Variants in ADCY2 observed in about 807,000 individuals in gnomAD.
ADCY2 encodes the protein adenylate cyclase type 2.
ADCY2 carries 31 observed loss-of-function variants against 125.2 expected under a neutral mutation model. The observed-to-expected ratio is 0.25, with a 90% CI of 0.19 to 0.33. The LOEUF (loss-of-function observed/expected upper bound fraction) is 0.33, where lower values mean the gene tolerates loss of function less well. ADCY2 is among the 10% of genes least tolerant of loss of function. ADCY2 has a pLI of 1.00. For missense variants in ADCY2, 904 were observed against 1,418.2 expected (o/e 0.64, Z 5.82); for synonymous variants, 512 against 548.4 (o/e 0.93, Z 0.93).
intron 24 of ADCY2, among the ~76,000 whole-genome samples, chr5:7,821,024 C>T (rs904848605): frequency 1.3e-5 from 2 of 152,162 alleles, no homozygotes; most frequent in African/African-American, 2.4e-5. Context: ...AAGGACTTTG[C>T]AAACGAGAGG....
chr5:7,455,393 C>T (rs924145168), intron 2 of ADCY2, among the ~76,000 whole-genome samples: 3 of 152,106 alleles, frequency 2.0e-5, no homozygotes, highest in African/African-American at 7.2e-5. Context: ...TGATGAAAGT[C>T]TCCTTAAACT....
chr5:7,399,981 T>A (rs575829320), intron 1 of ADCY2, among the ~76,000 whole-genome samples: 1 of 152,202 alleles, frequency 6.6e-6, no homozygotes. Flanking sequence ...TTGGAACTGG[T>A]TTTTATTACT....
chr5:7,758,352 T>G (rs1208694900), intron 16 of ADCY2, among the ~76,000 whole-genome samples: 1 of 152,134 alleles, frequency 6.6e-6, no homozygotes, highest in Non-Finnish European at 1.5e-5. Context: ...AGACACGTCC[T>G]TATTGTTCTC....
intron 2 of ADCY2, among the ~76,000 whole-genome samples, chr5:7,441,211 G>A (rs1468732724): frequency 6.6e-6 from 1 of 152,128 alleles, no homozygotes; most frequent in African/African-American, 2.4e-5. Flanking sequence ...AGCAATGTCT[G>A]GTCAGCTGTC....
chr5:7,570,912 T>C (rs1736046588), intron 3 of ADCY2, among the ~76,000 whole-genome samples: 1 of 152,200 alleles, frequency 6.6e-6, no homozygotes, highest in Admixed American at 6.6e-5. Context: ...TATGAAACCC[T>C]AGGCCTTCAG....
chr5:7,449,646 C>T (rs1310381710), intron 2 of ADCY2, among the ~76,000 whole-genome samples: 2 of 152,154 alleles, frequency 1.3e-5, no homozygotes, highest in African/African-American at 4.8e-5. Context: ...GTTGATTTTC[C>T]ACACTGGCAA....
At chr5:7,551,718 C>T (rs1735348416) in intron 3 of ADCY2, among the ~76,000 whole-genome samples, 1 of 152,082 alleles carries the variant, frequency 6.6e-6, no homozygotes, top group African/African-American at 2.4e-5. Flanking sequence ...TCAGCAATGG[C>T]AGATTGTATT....
intron 2 of ADCY2, 72 bp from the exon 3 acceptor site, chr5:7,520,658 CCTTTAGTG>C: frequency 6.6e-7 from 1 of 1,505,534 alleles, no homozygotes; most frequent in East Asian, 2.3e-5. Flanking sequence ...TTCTATGCAG[CCTTTAGTG>C]GCATGGAAAC....
At chr5:7,504,931 A>G (rs879359712) in intron 2 of ADCY2, among the ~76,000 whole-genome samples, 3 of 152,030 alleles carry the variant, frequency 2.0e-5, no homozygotes, top group Non-Finnish European at 4.4e-5. Context: ...GGAATGGAGT[A>G]CAGTGGCACC....
intron 7 of ADCY2, among the ~76,000 whole-genome samples, chr5:7,705,365 C>T (rs998294487): frequency 1.3e-5 from 2 of 152,212 alleles, no homozygotes; most frequent in Non-Finnish European, 2.9e-5. Context: ...GTGCTAGTTG[C>T]CCTCAGGGCA....
At chr5:7,710,039 A>G (rs1741392114) in intron 10 of ADCY2, among the ~76,000 whole-genome samples, 1 of 152,220 alleles carries the variant, frequency 6.6e-6, no homozygotes, top group Non-Finnish European at 1.5e-5. Flanking sequence ...TTCATGTATA[A>G]TGCTATTAAA....
intron 3 of ADCY2, among the ~76,000 whole-genome samples, chr5:7,550,133 T>C (rs543519309): frequency 4.6e-5 from 7 of 152,260 alleles, no homozygotes; most frequent in African/African-American, 9.6e-5. Context: ...TCTCTAAAAT[T>C]CTCTCTATTG....
chr5:7,685,108 C>T (rs935570449), intron 4 of ADCY2: 4 of 152,236 alleles, frequency 2.6e-5, no homozygotes, highest in Non-Finnish European at 5.9e-5. Context: ...CAGCCTCCTC[C>T]CTGGGTGCTA....
chr5:7,798,149 G>C (rs1361426349), intron 20 of ADCY2: 1 of 121,048 alleles, frequency 8.3e-6, no homozygotes, highest in African/African-American at 3.0e-5. Context: ...ACGGGGGGAA[G>C]GCAGTGGGAG....
intron 4 of ADCY2, among the ~76,000 whole-genome samples, chr5:7,680,252 A>G (rs1037999607): frequency 2.6e-5 from 4 of 152,194 alleles, no homozygotes; most frequent in Non-Finnish European, 4.4e-5. Flanking sequence ...AAAGGGTACT[A>G]AAGTCTAGTC....
intron 4 of ADCY2, among the ~76,000 whole-genome samples, chr5:7,687,355 G>A (rs1236960181): frequency 6.6e-6 from 1 of 152,138 alleles, no homozygotes; most frequent in East Asian, 1.9e-4. Flanking sequence ...GTGATTTGGG[G>A]TTTAGCATAA....
chr5:7,506,929 G>A (rs1275935272), intron 2 of ADCY2, among the ~76,000 whole-genome samples: 12 of 148,892 alleles, frequency 8.1e-5, no homozygotes, highest in South Asian at 6.4e-4. Context: ...CTGGGACTAC[G>A]GGCACCCGCC....
chr5:7,722,947 C>T (rs78911569), intron 12 of ADCY2, among the ~76,000 whole-genome samples: 14,944 of 114,542 alleles, frequency 0.13, 884 homozygotes, highest in Middle Eastern at 0.17. Flanking sequence ...GCAACAAGAG[C>T]GAAACTCCAT....
intron 11 of ADCY2, among the ~76,000 whole-genome samples, chr5:7,715,304 G>C (rs1741562095): frequency 6.6e-6 from 1 of 152,140 alleles, no homozygotes; most frequent in South Asian, 2.1e-4. Flanking sequence ...CCTAAAACAG[G>C]TTAACAAAGG....
Sources: allele counts gnomAD v4.1 joint callset (sites outside exome capture counted in the v4.1 genomes callset), GRCh38; gene constraint gnomAD v4.1.1; transcripts MANE v1.5; gene names NCBI Gene and HGNC (gene_info 2026-07-23, HGNC 2026-07-21).